Variants in GALNT8 observed in about 807,000 individuals in gnomAD.
GALNT8 encodes the protein polypeptide N-acetylgalactosaminyltransferase 8.
Under a neutral mutation model 62.7 loss-of-function variants are expected in GALNT8, and 66 were observed. The observed-to-expected ratio is 1.05, with a 90% confidence interval of 0.86 to 1.29. The LOEUF is 1.29. Among genes scored for constraint, GALNT8 ranks in the 50% most tolerant of loss-of-function variants. GALNT8 has a pLI of 0.00. For synonymous variants in GALNT8, 288 were observed against 294.3 expected (o/e 0.98, Z 0.22); for missense variants, 771 against 791.8 (o/e 0.97, Z 0.32).
chr12:4,724,735 T>A (rs1352579765), intron 1 of GALNT8, among the ~76,000 whole-genome samples: 2 of 152,246 alleles, frequency 1.3e-5, no homozygotes. Flanking sequence ...TTTTCGACTA[T>A]CCTCTTTTTG....
chr12:4,758,770 G>A (rs1343249572), intron 6 of GALNT8, among the ~76,000 whole-genome samples: 2 of 136,428 alleles, frequency 1.5e-5, no homozygotes, highest in Non-Finnish European at 1.6e-5. Flanking sequence ...CTTCATAAAC[G>A]GCAATCTTTT....
chr12:4,765,666 A>G, intron 10 of GALNT8, 120 bp downstream of exon 10: 1 of 682,480 alleles, frequency 1.5e-6, no homozygotes, highest in Non-Finnish European at 2.4e-6. Flanking sequence ...GAGGCTACTG[A>G]CAGAAAAGAG....
At chr12:4,763,931 C>T (rs758234042) in intron 8 of GALNT8, 21 bp from the exon 9 acceptor site, 11 of 1,205,718 alleles carry the variant, frequency 9.1e-6, no homozygotes, top group Middle Eastern at 1.9e-4. Context: ...ACAGTGTTGC[C>T]GTGTGTTTTG....
In GALNT8 at chr12:4,767,551, G is replaced by T. The variant is rs559671270; in HGVS notation, c.1761+2005G>T. Among the ~76,000 whole-genome samples, 3 of 152,300 alleles carry T rather than the reference G, an allele frequency of 2.0e-5. No individual in the cohort carries two copies. The East Asian group carries it at 5.8e-4, about 29-fold the overall frequency. On this transcript the variant is annotated intron_variant, in intron 10 of 10. Coordinates refer to ENST00000252318, the MANE Select transcript of GALNT8 (RefSeq NM_017417.2). ...AGACCCACAGATAAAGATTAAGGAG[G>T]CAGATTTTGACTTAATGTAGGAGCA... is the stretch of plus-strand genomic sequence containing the variant.
intron 6 of GALNT8, among the ~76,000 whole-genome samples, chr12:4,754,219 G>A (rs749951559): frequency 3.9e-5 from 6 of 152,056 alleles, no homozygotes; most frequent in Non-Finnish European, 7.4e-5. Context: ...TGAGACCCTG[G>A]TGCTCTACAA....
chr12:4,730,609 A>G (rs1229143137), intron 2 of GALNT8, among the ~76,000 whole-genome samples: 3 of 152,134 alleles, frequency 2.0e-5, no homozygotes, highest in African/African-American at 4.8e-5. Flanking sequence ...TTTGATTACC[A>G]TAGCTTAATA....
chr12:4,754,373 T>C (rs1309928057), intron 6 of GALNT8, among the ~76,000 whole-genome samples: 3 of 152,094 alleles, frequency 2.0e-5, no homozygotes, highest in Non-Finnish European at 2.9e-5. Context: ...GTCTACCTCA[T>C]GTTTTATTAT....
intron 8 of GALNT8, among the ~76,000 whole-genome samples, chr12:4,763,729 G>A (rs1388172773): frequency 1.3e-5 from 2 of 152,020 alleles, no homozygotes; most frequent in African/African-American, 4.8e-5. Context: ...GGGCTGAGGT[G>A]ATGGGTGTTT....
Position 4,726,855 on chromosome 12 carries a change from T to C in GALNT8, c.509+26T>C. The C allele has an allele frequency of 6.3e-7, 1 of 1,576,576 alleles. No individual in the cohort carries two copies. The highest frequency in any genetic ancestry group is 8.6e-7 in the Non-Finnish European group (1 of 1,158,908). On this transcript the variant is annotated intron_variant, in intron 2 of 10. Coordinates refer to ENST00000252318, the MANE Select transcript of GALNT8 (RefSeq NM_017417.2). This position sits in a 1 kb window ranked among gnomAD's most constrained non-coding sequence, Gnocchi z 4.1. Reference sequence around the variant, plus strand: ...GTGGGATGAACCAGGCTTGGGCTTCTAGGGTCCTCAGTTTGATTTGAGGAT... The same window carrying C: ...GTGGGATGAACCAGGCTTGGGCTTCCAGGGTCCTCAGTTTGATTTGAGGAT...
At chr12:4,767,807 G>A (rs1456417791) in intron 10 of GALNT8, among the ~76,000 whole-genome samples, 1 of 152,184 alleles carries the variant, frequency 6.6e-6, no homozygotes, top group Non-Finnish European at 1.5e-5. Context: ...AATATTCATT[G>A]TATTCAAGTT....
chr12:4,726,934 A>G lies in GALNT8; in HGVS notation c.509+105A>G. The G allele has an allele frequency of 1.0e-6, 1 of 969,922 alleles. No homozygotes were observed. Among genetic ancestry groups the G allele is most frequent in the South Asian group, 1.6e-5 (1 of 63,464 alleles). 60.1% of individuals were successfully genotyped at this position (969,922 alleles called of 1,614,324 possible). The stretch of plus-strand genomic sequence containing the variant: ...CTGGGGGAGTGGGGGATTGTTGGGG[A>G]AGGGGTTCAGGCTGAGCAAAGTTGT... On this transcript the variant is annotated intron_variant, in intron 2 of 10. Transcript: ENST00000252318. The surrounding 1 kb of genome is among the most constrained non-coding windows in gnomAD (Gnocchi z 4.1).
At chr12:4,755,896 C>T (rs113520447) in intron 6 of GALNT8, among the ~76,000 whole-genome samples, 4 of 152,254 alleles carry the variant, frequency 2.6e-5, no homozygotes, top group African/African-American at 4.8e-5. Flanking sequence ...ATGGAGTGGC[C>T]GTGTTCCACA....
At chr12:4,762,824 A>G (rs11063330) in intron 7 of GALNT8, among the ~76,000 whole-genome samples, 26,030 of 152,262 alleles carry the variant, frequency 0.17, 2,333 homozygotes, top group Non-Finnish European at 0.2. Flanking sequence ...AGTTTAGCTG[A>G]GCAATGAATG....
chr12:4,746,776 C>T (rs1198420857), intron 6 of GALNT8, among the ~76,000 whole-genome samples: 1 of 152,044 alleles, frequency 6.6e-6, no homozygotes, highest in Non-Finnish European at 1.5e-5. Context: ...TCCTCAAACC[C>T]GGCCAGTTAC....
intron 2 of GALNT8, among the ~76,000 whole-genome samples, chr12:4,737,927 A>G (rs914696001): frequency 1.1e-4 from 17 of 152,208 alleles, no homozygotes; most frequent in Admixed American, 7.9e-4. Flanking sequence ...CCAGGAGCCA[A>G]TAAGTTTCTA....
At chr12:4,753,693 T>C (rs1347621776) in intron 6 of GALNT8, among the ~76,000 whole-genome samples, 2 of 152,202 alleles carry the variant, frequency 1.3e-5, no homozygotes, top group African/African-American at 4.8e-5. Context: ...TTTGGTGAGA[T>C]GATGTTTTCC....
At chr12:4,770,794 G>T (rs1333234936) in intron 10 of GALNT8, among the ~76,000 whole-genome samples, 1 of 152,142 alleles carries the variant, frequency 6.6e-6, no homozygotes, top group African/African-American at 2.4e-5. Context: ...GAAAGGGAGA[G>T]AAACTGAATG....
chr12:4,720,628 A>G lies in GALNT8; in HGVS notation c.-50A>G. The stretch of plus-strand genomic sequence containing the variant: ...CTGGTTCTGATTCTTAACCTGCTCC[A>G]GCAGTGACACACTCAGTCCCACAGG... On this transcript the variant is annotated 5_prime_UTR_variant, in exon 1 of 11. Transcript: ENST00000252318. The G allele has an allele frequency of 8.6e-7, 1 of 1,161,454 alleles. No homozygotes were observed. The highest frequency in any genetic ancestry group is 1.3e-6 in the Non-Finnish European group (1 of 766,976). 71.9% of individuals were successfully genotyped at this position (1,161,454 alleles called of 1,614,324 possible).
At chr12:4,753,926 T>C (rs1946332946) in intron 6 of GALNT8, among the ~76,000 whole-genome samples, 1 of 152,218 alleles carries the variant, frequency 6.6e-6, no homozygotes, top group Non-Finnish European at 1.5e-5. Flanking sequence ...CTGTGGTTCT[T>C]CCAGACTCAT....
Sources: allele counts gnomAD v4.1 joint callset (sites outside exome capture counted in the v4.1 genomes callset), GRCh38; gene constraint gnomAD v4.1.1; non-coding constraint Gnocchi (gnomAD v3.1); transcripts MANE v1.5; gene names NCBI Gene and HGNC (gene_info 2026-07-23, HGNC 2026-07-21).